PPP1R14C: variants seen among roughly 807,000 people sequenced by gnomAD.
PPP1R14C encodes protein phosphatase 1 regulatory inhibitor subunit 14C, also known as protein phosphatase 1 regulatory subunit 14C.
PPP1R14C carries 16 observed loss-of-function variants against 20.4 expected under a neutral mutation model. The ratio of observed to expected loss-of-function variants is 0.78; its 90% CI spans 0.53 to 1.19. The LOEUF is 1.19. Ranked by LOEUF, PPP1R14C falls within the 50% of genes most tolerant of loss-of-function variation. PPP1R14C has a pLI of 0.00. For synonymous variants in PPP1R14C, 91 were observed against 91.0 expected, an observed-to-expected ratio of 1.00 and a Z score of 0.00; for missense variants, 211 against 220.1, an observed-to-expected ratio of 0.96 and a Z score of 0.26.
chr6:150,238,598 C>T (rs1468330405), intron 3 of PPP1R14C, among the ~76,000 whole-genome samples: 5 of 152,276 alleles, frequency 3.3e-5, no homozygotes, highest in Admixed American at 3.3e-4. Flanking sequence ...CCCCCAGCTG[C>T]AGCTCATGCC....
At chr6:150,151,028 TTTG>T (rs1777240616) in intron 1 of PPP1R14C, among the ~76,000 whole-genome samples, 1 of 152,084 alleles carries the variant, frequency 6.6e-6, no homozygotes, top group South Asian at 2.1e-4. Flanking sequence ...CTCTGTTTTT[TTTG>T]TTGTTTGTTT....
At chr6:150,203,750 T>G (rs1224100177) in intron 1 of PPP1R14C, among the ~76,000 whole-genome samples, 2 of 152,218 alleles carry the variant, frequency 1.3e-5, no homozygotes, top group Admixed American at 1.3e-4. Flanking sequence ...ATCGGGTAAT[T>G]TGAGTGTTTC....
chr6:150,247,931 G>C (rs1394341957), intron 3 of PPP1R14C, among the ~76,000 whole-genome samples: 1 of 152,136 alleles, frequency 6.6e-6, no homozygotes, highest in South Asian at 2.1e-4. Flanking sequence ...TCACAGGCTG[G>C]GTATTTTATT....
chr6:150,200,738 G>A (rs888664279), intron 1 of PPP1R14C, among the ~76,000 whole-genome samples: 8 of 152,212 alleles, frequency 5.3e-5, no homozygotes, highest in Non-Finnish European at 1.2e-4. Context: ...GAAATGGCTA[G>A]TTACTCCCAA....
chr6:150,232,173 T>A (rs1485561457), intron 3 of PPP1R14C, among the ~76,000 whole-genome samples: 1 of 147,956 alleles, frequency 6.8e-6, no homozygotes, highest in Non-Finnish European at 1.5e-5. Context: ...GCTAGTAAGG[T>A]TGAGACATTT....
intron 1 of PPP1R14C, among the ~76,000 whole-genome samples, chr6:150,199,142 G>A (rs960416791): frequency 4.6e-5 from 7 of 152,208 alleles, no homozygotes; most frequent in East Asian, 1.9e-4. Context: ...CAGATATGAC[G>A]GGTCAGTGGC....
At chr6:150,230,940 G>A (rs1013623416) in intron 3 of PPP1R14C, among the ~76,000 whole-genome samples, 9 of 152,186 alleles carry the variant, frequency 5.9e-5, no homozygotes, top group Non-Finnish European at 1.2e-4. Flanking sequence ...AATGACTAGG[G>A]AAGGCTACCA....
Position 150,201,775 on chromosome 6 carries a change from A to C in PPP1R14C, c.307-12969A>C, listed in dbSNP as rs183723053. Among the ~76,000 whole-genome samples the C allele has an allele frequency of 1.2e-3, 183 of 152,226 alleles. 1 individual carries two copies. The highest frequency in any genetic ancestry group is 1.6e-3 in the Non-Finnish European group (107 of 68,008). ...TTATGCAAAAGATGATTTAGCTTTCACTAGGGGGGCAGTGGAGGTGGTACA... is the reference window on the plus strand; with the variant it reads ...TTATGCAAAAGATGATTTAGCTTTCCCTAGGGGGGCAGTGGAGGTGGTACA... On this transcript the variant is annotated intron_variant, in intron 1 of 3. Coordinates refer to ENST00000361131, the MANE Select transcript of PPP1R14C (RefSeq NM_030949.3). This position sits in a 1 kb window ranked among gnomAD's most constrained non-coding sequence, Gnocchi z 4.2.
chr6:150,193,499 A>G (rs1009261677), intron 1 of PPP1R14C, among the ~76,000 whole-genome samples: 1 of 152,146 alleles, frequency 6.6e-6, no homozygotes, highest in Admixed American at 6.5e-5. Context: ...AAGGAAGATG[A>G]AGAAGAAGAG....
intron 1 of PPP1R14C, among the ~76,000 whole-genome samples, chr6:150,188,885 T>G (rs1777709442): frequency 6.7e-6 from 1 of 149,794 alleles, no homozygotes; most frequent in African/African-American, 2.5e-5. Context: ...TTTAGACAGA[T>G]TCTTGCTCTG....
At chr6:150,147,751 G>T (rs1393584787) in intron 1 of PPP1R14C, among the ~76,000 whole-genome samples, 1 of 152,148 alleles carries the variant, frequency 6.6e-6, no homozygotes, top group African/African-American at 2.4e-5. Context: ...ACCTTAGTAG[G>T]TCTTTCCCTT....
chr6:150,233,810 G>A (rs1177948821), intron 3 of PPP1R14C, among the ~76,000 whole-genome samples: 1 of 152,168 alleles, frequency 6.6e-6, no homozygotes, highest in Non-Finnish European at 1.5e-5. Context: ...CCAGTTCAGT[G>A]TGGCTAGTGG....
intron 1 of PPP1R14C, among the ~76,000 whole-genome samples, chr6:150,170,189 G>A (rs1383255703): frequency 2.0e-5 from 3 of 152,116 alleles, no homozygotes; most frequent in Non-Finnish European, 4.4e-5. Flanking sequence ...GAAGGGAAGT[G>A]GAATGGGAAA....
intron 3 of PPP1R14C, among the ~76,000 whole-genome samples, chr6:150,235,984 T>A (rs897140476): frequency 1.3e-5 from 2 of 152,234 alleles, no homozygotes; most frequent in Non-Finnish European, 2.9e-5. Flanking sequence ...TTAGTTTAGT[T>A]TGTAATTAGA....
intron 1 of PPP1R14C, among the ~76,000 whole-genome samples, chr6:150,162,092 G>A (rs769890839): frequency 4.4e-5 from 6 of 135,362 alleles, no homozygotes; most frequent in Non-Finnish European, 7.8e-5. Flanking sequence ...GTCTTGGTTT[G>A]TCACCCAGGC....
At chr6:150,212,408 G>T (rs190793248) in intron 1 of PPP1R14C, among the ~76,000 whole-genome samples, 303 of 152,312 alleles carry the variant, frequency 2.0e-3, no homozygotes, top group African/African-American at 6.1e-3. Flanking sequence ...CAGTCCTAAG[G>T]GGAAGATGCC....
chr6:150,214,883 TG>T, intron 2 of PPP1R14C, 56 bp downstream of exon 2: 1 of 1,299,640 alleles, frequency 7.7e-7, no homozygotes, highest in Non-Finnish European at 1.1e-6. Flanking sequence ...AGAGTCTACT[TG>T]GGTCTTCAGT....
chr6:150,223,087 A>G (rs1296211679), intron 3 of PPP1R14C, among the ~76,000 whole-genome samples: 2 of 152,196 alleles, frequency 1.3e-5, no homozygotes, highest in Non-Finnish European at 2.9e-5. Flanking sequence ...CTTTTAAAAA[A>G]TGTGATGTCA....
At chr6:150,177,326 C>T (rs1435449667) in intron 1 of PPP1R14C, among the ~76,000 whole-genome samples, 5 of 152,158 alleles carry the variant, frequency 3.3e-5, no homozygotes, top group Non-Finnish European at 7.4e-5. Context: ...GTTTCAGAGC[C>T]ATATATGGGC....
Sources: allele counts gnomAD v4.1 joint callset (sites outside exome capture counted in the v4.1 genomes callset), GRCh38; gene constraint gnomAD v4.1.1; non-coding constraint Gnocchi (gnomAD v3.1); transcripts MANE v1.5; gene names NCBI Gene and HGNC (gene_info 2026-07-23, HGNC 2026-07-21).